Variants in TEX11 observed in about 807,000 individuals in gnomAD.
TEX11 encodes the protein testis expressed 11, also known as testis-expressed protein 11.
In TEX11, 7 loss-of-function variants were observed where a neutral mutation model predicts 84.4. That is an observed-to-expected ratio of 0.08 (90% CI 0.05 to 0.16). TEX11 has a LOEUF of 0.16. Ranked by LOEUF, TEX11 falls within the 10% of genes least tolerant of loss-of-function variation. TEX11 has a pLI of 1.00. For missense variants in TEX11, 551 were observed against 660.5 expected (o/e 0.83, Z 1.82); for synonymous variants, 264 against 222.8 (o/e 1.18, Z -1.64).
the TEX11 span, among the ~76,000 whole-genome samples, chrX:70,513,538 T>G: frequency 9.4e-6 from 1 of 106,753 alleles, no homozygotes; most frequent in South Asian, 4.1e-4. Flanking sequence ...TTGCCCCAGC[T>G]GGAGTGCAGT....
Position 70,591,768 on chromosome X carries a change from T to A in TEX11, c.2123A>T (p.Asn708Ile). The change falls in exon 25 of 30, where the codon AAT becomes ATT. Residue 708 changes from asparagine (N) to isoleucine (I), a missense_variant. By Grantham distance (149) the Asn-to-Ile change is moderately radical. Transcript: ENST00000374333. ...EEIQTCNDIH[N>I]FLKQTGTFSN... ...TACTGTACCTGTTTGTTTCAGGAAA[T>A]TATGGATGTCATTGCATGTCTGGAT... The A allele has an allele frequency of 8.3e-7, 1 of 1,209,280 alleles. No homozygotes were observed. The highest frequency in any genetic ancestry group is 1.1e-6 in the Non-Finnish European group (1 of 893,617).
At chrX:70,867,727 C>G (rs1602196539) in intron 4 of TEX11, among the ~76,000 whole-genome samples, 1 of 110,869 alleles carries the variant, frequency 9.0e-6, no homozygotes, top group East Asian at 2.8e-4. Context: ...CACCACCCAT[C>G]TACAACCATT....
At chrX:70,622,559 T>C (rs1229515045) in intron 20 of TEX11, among the ~76,000 whole-genome samples, 2 of 111,972 alleles carry the variant, frequency 1.8e-5, no homozygotes, top group African/African-American at 3.2e-5. Flanking sequence ...ATGTGTCAGA[T>C]ACTGCCCTAG....
chrX:70,893,717 A>T (rs140687641), intron 2 of TEX11, among the ~76,000 whole-genome samples: 2,306 of 111,680 alleles, frequency 0.021, 43 homozygotes, highest in African/African-American at 0.071. Context: ...ACAAGAAATA[A>T]CTAAGATCAG....
intron 13 of TEX11, among the ~76,000 whole-genome samples, chrX:70,700,108 T>TTTTG (rs66752871): frequency 1.3e-4 from 14 of 107,019 alleles, no homozygotes; most frequent in East Asian, 6.0e-4. Context: ...GTTACTAGTT[T>TTTTG]TTTGTTTGTT....
At chrX:70,740,908 T>C (rs776636153) in intron 10 of TEX11, 112 bp from the exon 11 acceptor site, 32 of 441,689 alleles carry the variant, frequency 7.2e-5, no homozygotes, top group Middle Eastern at 4.4e-4. Flanking sequence ...AAGTCATCTT[T>C]ATGAAATAGC....
chrX:70,689,866 A>C (rs1834125981), intron 13 of TEX11, among the ~76,000 whole-genome samples: 1 of 111,783 alleles, frequency 8.9e-6, no homozygotes, highest in Non-Finnish European at 1.9e-5. Flanking sequence ...AGGTGTAAAC[A>C]CTTGATGAAT....
chrX:70,873,290 T>C lies in TEX11; in HGVS notation c.177A>G (p.Val59=). 5 of 1,195,290 alleles carry C rather than the reference T, an allele frequency of 4.2e-6. No homozygotes were observed. Among genetic ancestry groups the C allele is most frequent in the Non-Finnish European group, 5.7e-6 (5 of 880,797 alleles). ...TGGTAAGTGCCCAGTTCCATAGGTT[T>C]ACTGCCATTTCTTCAATCTGGTCAA... is the stretch of plus-strand genomic sequence containing the variant. The part of the protein sequence containing the change: ...ITDIQIEEMA[V]NLWNWALTIG... Residue 59 remains valine, a synonymous_variant, in exon 4 of 30, where the codon GTA becomes GTG. Transcript: ENST00000374333.
intron 13 of TEX11, among the ~76,000 whole-genome samples, chrX:70,702,159 G>A (rs7886580): frequency 0.079 from 8,768 of 111,230 alleles, 428 homozygotes; most frequent in Admixed American, 0.24. Context: ...CTAACAAACA[G>A]CACAACATGC....
chrX:70,883,661 A>G (rs768952089), intron 2 of TEX11, among the ~76,000 whole-genome samples: 1 of 111,873 alleles, frequency 8.9e-6, no homozygotes, highest in South Asian at 3.8e-4. Context: ...GTACGTTTTG[A>G]AAAAAATTAT....
intron 9 of TEX11, among the ~76,000 whole-genome samples, chrX:70,788,961 TATATATATATATAGAGAGAGAGAGAG>T (rs1236808470): frequency 1.1e-4 from 5 of 44,538 alleles, no homozygotes; most frequent in African/African-American, 4.1e-4. Flanking sequence ...TATATATATA[TATATATATATATAGAGAGAGAGAGAG>T]AGAGAGAGAG....
At chrX:70,679,987 G>A (rs1168134172) in intron 14 of TEX11, among the ~76,000 whole-genome samples, 2 of 89,867 alleles carry the variant, frequency 2.2e-5, no homozygotes, top group Admixed American at 1.1e-4. Flanking sequence ...CCGGCCAGCC[G>A]CCCCGTCCGG....
intron 7 of TEX11, among the ~76,000 whole-genome samples, chrX:70,851,876 A>C (rs1402300070): frequency 1.8e-5 from 2 of 111,919 alleles, no homozygotes; most frequent in Non-Finnish European, 3.8e-5. Context: ...AGCTAATCAC[A>C]AAAGACCACT....
At chrX:70,660,682 C>G (rs1428893878) in intron 16 of TEX11, among the ~76,000 whole-genome samples, 1 of 111,721 alleles carries the variant, frequency 9.0e-6, no homozygotes, top group Non-Finnish European at 1.9e-5. Flanking sequence ...TCCTGAAGGA[C>G]CTGTCTGAGG....
At chrX:70,569,678 C>A (rs1274713009) in intron 25 of TEX11, among the ~76,000 whole-genome samples, 2 of 111,814 alleles carry the variant, frequency 1.8e-5, no homozygotes, top group Admixed American at 1.9e-4. Flanking sequence ...CCACTCCAGA[C>A]CCTGTTTGCC....
chrX:70,563,371 A>C (rs1413783388), intron 25 of TEX11, among the ~76,000 whole-genome samples: 1 of 112,189 alleles, frequency 8.9e-6, no homozygotes, highest in African/African-American at 3.2e-5. Flanking sequence ...CCTATTTCTG[A>C]AATAGTTGAT....
At chrX:70,715,178 G>T (rs769421559) in intron 13 of TEX11, among the ~76,000 whole-genome samples, 7 of 107,071 alleles carry the variant, frequency 6.5e-5, no homozygotes, top group Non-Finnish European at 1.3e-4. Context: ...AGTCTGATGG[G>T]CTTCCCTTTG....
At chrX:70,780,445 T>G (rs958372154) in intron 9 of TEX11, among the ~76,000 whole-genome samples, 3 of 112,362 alleles carry the variant, frequency 2.7e-5, no homozygotes, top group African/African-American at 9.7e-5. Context: ...GTTCATCTCA[T>G]TGGGACTGGT....
intron 7 of TEX11, among the ~76,000 whole-genome samples, chrX:70,843,493 A>G (rs2091459955): frequency 3.6e-5 from 4 of 112,052 alleles, no homozygotes; most frequent in African/African-American, 1.3e-4. Context: ...TAGACCTAAA[A>G]CCATAAAACC....
Sources: allele counts gnomAD v4.1 joint callset (sites outside exome capture counted in the v4.1 genomes callset), GRCh38; gene constraint gnomAD v4.1.1; transcripts MANE v1.5; gene names NCBI Gene and HGNC (gene_info 2026-07-23, HGNC 2026-07-21).